IK: variants seen among roughly 807,000 people sequenced by gnomAD.
IK encodes the protein IK cytokine.
IK carries 47 observed loss-of-function variants against 90.9 expected under a neutral mutation model. That is an observed-to-expected ratio of 0.52 (90% CI 0.41 to 0.66). The LOEUF (loss-of-function observed/expected upper bound fraction) is 0.66, where lower values mean the gene tolerates loss of function less well. IK is among the 30% of genes least tolerant of loss of function. IK has a pLI of 0.00. For missense variants in IK, 385 were observed against 709.3 expected (o/e 0.54, Z 5.19); for synonymous variants, 201 against 227.5 (o/e 0.88, Z 1.05).
At chr5:140,651,972 G>A (rs1757623208) in intron 3 of IK, 116 bp from the exon 4 acceptor site, 1 of 890,024 alleles carries the variant, frequency 1.1e-6, no homozygotes, top group Non-Finnish European at 1.9e-6. Context: ...CTGCTTGATT[G>A]AAAGTGTTAC....
At chr5:140,653,607 C>CTT (rs35324921) in intron 5 of IK, among the ~76,000 whole-genome samples, 4 of 128,448 alleles carry the variant, frequency 3.1e-5, no homozygotes, top group South Asian at 2.5e-4. Flanking sequence ...CCCCCACCCC[C>CTT]TTTTTTTTTT....
At chr5:140,658,700 G>A (rs780287497) in intron 10 of IK, 37 bp from the exon 11 acceptor site, 25 of 1,530,974 alleles carry the variant, frequency 1.6e-5, no homozygotes, top group Non-Finnish European at 2.2e-5. Context: ...GAAATTAACT[G>A]AGGAGTATGT....
intron 6 of IK, among the ~76,000 whole-genome samples, 195 bp from the exon 7 acceptor site, chr5:140,654,321 C>G (rs181829080): frequency 6.6e-6 from 1 of 152,344 alleles, no homozygotes; most frequent in East Asian, 1.9e-4. Context: ...CCTTCTGTTT[C>G]ATTTACCACA....
chr5:140,653,624 G>A (rs1249584429), intron 5 of IK, among the ~76,000 whole-genome samples: 5 of 106,756 alleles, frequency 4.7e-5, no homozygotes, highest in African/African-American at 1.8e-4. Flanking sequence ...TTTTTTTGGA[G>A]ACAGAGTCTT....
In IK at chr5:140,659,078, C is replaced by G. The variant is rs368676150; in HGVS notation, c.1090C>G (p.Arg364Gly). ...RDRERERERD[R>G]ERERERDRER... ...CCGAGAGCGAGAGCGAGAACGAGAT[C>G]GGGAACGAGAGCGAGAGCGGGACCG... Residue 364 changes from arginine (R) to glycine (G), a missense_variant, in exon 12 of 20, where the codon CGG becomes GGG. By Grantham distance (125) the Arg-to-Gly change is moderately radical. Transcript: ENST00000417647. 2 of 1,612,126 alleles carry G rather than the reference C, an allele frequency of 1.2e-6. No homozygotes were observed. Among genetic ancestry groups the G allele is most frequent in the African/African-American group, 2.7e-5 (2 of 74,712 alleles).
Position 140,662,340 on chromosome 5 carries a change from C to T in IK, c.*11C>T, listed in dbSNP as rs777300592. 3 of 1,613,256 alleles carry T rather than the reference C, an allele frequency of 1.9e-6. No homozygotes were observed. Among genetic ancestry groups the T allele is most frequent in the East Asian group, 2.2e-5 (1 of 44,884 alleles). On this transcript the variant is annotated 3_prime_UTR_variant, in exon 20 of 20. Transcript: ENST00000417647. Reference sequence around the variant, plus strand: ...AGACCAAAATACTAATCACTAGTTACAACCAGAGATGCTCCACAAGGATAT... The same window carrying T: ...AGACCAAAATACTAATCACTAGTTATAACCAGAGATGCTCCACAAGGATAT...
Position 140,659,023 on chromosome 5 carries a change from G to T in IK, c.1035G>T (p.Glu345Asp), listed in dbSNP as rs375642434. Residue 345 changes from glutamate to aspartate, a missense_variant, in exon 12 of 20, where the codon GAG (glutamate) becomes GAT (aspartate). Around this residue, in one of 8 missense-constraint regions of IK, gnomAD observed 139 missense variants for 172.0 expected, o/e 0.81. Coordinates refer to ENST00000417647, the MANE Select transcript of IK (RefSeq NM_006083.4). ...AGCGGGAGAGATATCGGGAACGGGA[G>T]CGTGATCGGGAAAGAGACAGAGACC... ...DKERERYRER[E>D]RDRERDRDRD... The T allele has an allele frequency of 1.2e-6, 2 of 1,613,152 alleles. No homozygotes were observed. The highest frequency in any genetic ancestry group is 4.5e-5 in the East Asian group (2 of 44,880).
intron 18 of IK, 41 bp downstream of exon 18, chr5:140,662,048 G>T (rs1303768273): frequency 6.4e-7 from 1 of 1,572,080 alleles, no homozygotes; most frequent in Non-Finnish European, 8.7e-7. Flanking sequence ...TTTCAGCTGG[G>T]AGAAGACATT....
intron 12 of IK, 51 bp downstream of exon 12, chr5:140,659,215 A>G (rs1757761926): frequency 6.2e-7 from 1 of 1,607,572 alleles, no homozygotes; most frequent in Non-Finnish European, 8.5e-7. Context: ...CTCTCTGGAA[A>G]TGTGAGCAAG....
intron 13 of IK, 104 bp downstream of exon 13, chr5:140,659,437 G>A: frequency 7.9e-7 from 1 of 1,261,894 alleles, no homozygotes; most frequent in Non-Finnish European, 1.2e-6. Context: ...CCTGGTTCTG[G>A]GTTCTTGTAA....
chr5:140,662,292 TC>T lies in IK; in HGVS notation c.1647-8del, dbSNP rs1246557958. 9 of 1,613,910 alleles carry T rather than the reference TC, an allele frequency of 5.6e-6. No individual in the cohort carries two copies. Among genetic ancestry groups the T allele is most frequent in the Non-Finnish European group, 7.6e-6 (9 of 1,179,902 alleles). On this transcript the variant is annotated splice_polypyrimidine_tract_variant and intron_variant, in intron 19 of 19. Transcript: ENST00000417647. Reference sequence around the variant, plus strand: ...GATCTTATACTGACCCATTTCTCCTTCCATTGCAGGGTTGAAGTCAAAAGAC... The same window carrying T: ...GATCTTATACTGACCCATTTCTCCTTCATTGCAGGGTTGAAGTCAAAAGAC...
chr5:140,651,957 G>A, intron 3 of IK, 131 bp from the exon 4 acceptor site: 1 of 843,260 alleles, frequency 1.2e-6, no homozygotes. Flanking sequence ...TATTGGTGTG[G>A]ATTTCTGCTT....
chr5:140,651,304 T>C (rs1041943173), intron 2 of IK, among the ~76,000 whole-genome samples: 2 of 150,960 alleles, frequency 1.3e-5, no homozygotes, highest in African/African-American at 4.9e-5. Context: ...CTGGGTGTGT[T>C]GGCGGGCACC....
chr5:140,660,176 G>T lies in IK; in HGVS notation c.1336G>T (p.Ala446Ser), dbSNP rs1184491741. ...GDFFGMSNSY[A>S]ECYPATMDDM... ...TTTCTTTGGCATGTCCAACAGTTAT[G>T]CAGAGTGCTACCCAGCCACGTATGT... Residue 446 changes from alanine (A) to serine (S), a missense_variant, in exon 15 of 20, where the codon GCA becomes TCA. Around this residue, in one of 8 missense-constraint regions of IK, gnomAD observed 23 missense variants for 115.2 expected, o/e 0.20. Transcript: ENST00000417647. 2 of 1,613,200 alleles carry T rather than the reference G, an allele frequency of 1.2e-6. No individual in the cohort carries two copies. The highest frequency in any genetic ancestry group is 1.7e-6 in the Non-Finnish European group (2 of 1,179,460).
In IK at chr5:140,661,714, T is replaced by A; in HGVS notation, c.1502+6T>A. 6.3e-7 allele frequency: 1 copy of A among 1,597,788 alleles called. No individual in the cohort carries two copies. Among genetic ancestry groups the A allele is most frequent in the Non-Finnish European group, 8.5e-7 (1 of 1,169,862 alleles). On this transcript the variant is annotated splice_donor_region_variant and intron_variant, in intron 17 of 19. Coordinates refer to ENST00000417647, the MANE Select transcript of IK (RefSeq NM_006083.4). The surrounding 1 kb of genome is among the most constrained non-coding windows in gnomAD (Gnocchi z 4.2). ...AACAAAGAAGCTTTGCCCAAGTGAG[T>A]CGGTACTGAATATGGGCAGGGTGTG...
intron 4 of IK, among the ~76,000 whole-genome samples, chr5:140,652,351 G>A (rs868341725): frequency 1.3e-5 from 2 of 152,062 alleles, no homozygotes; most frequent in Admixed American, 6.6e-5. Context: ...TAGTTTCTTG[G>A]TGGATAACCT....
At chr5:140,654,990 T>C (rs1757682145) in intron 8 of IK, among the ~76,000 whole-genome samples, 1 of 151,958 alleles carries the variant, frequency 6.6e-6, no homozygotes, top group Admixed American at 6.6e-5. Context: ...TTTTTTTTAT[T>C]TTTTGCAGAG....
At chr5:140,655,703 T>C (rs1757697647) in intron 8 of IK, 126 bp from the exon 9 acceptor site, 2 of 824,152 alleles carry the variant, frequency 2.4e-6, no homozygotes, top group African/African-American at 1.7e-5. Flanking sequence ...TTCATAGGGC[T>C]GTTGCAAAGA....
rs1478018161 is a variant in IK, at chr5:140,658,940, A to G, written c.952A>G (p.Ile318Val). 1 of 1,613,770 alleles carries G rather than the reference A, an allele frequency of 6.2e-7. No homozygotes were observed. Among genetic ancestry groups the G allele is most frequent in the East Asian group, 2.2e-5 (1 of 44,884 alleles). Residue 318 changes from isoleucine to valine, a missense_variant and splice_region_variant, in exon 12 of 20, where the codon ATT becomes GTT. This residue lies in a region of IK where 139 missense variants were observed against 172.0 expected (regional missense o/e 0.81). Transcript: ENST00000417647. ...AGCTAGTGATCTCCATTTTCCCAGT[A>G]TTTTTGAAGACATTGGGGATTACGT... ...EKKPPEADMN[I>V]FEDIGDYVPS...
Sources: gnomAD v4.1 joint callset for allele counts (sites outside exome capture counted in the v4.1 genomes callset) on GRCh38, gnomAD v4.1.1 for gene constraint, gnomAD v4.1.1 regional missense constraint, Gnocchi (gnomAD v3.1) non-coding constraint, MANE v1.5 for transcripts, NCBI Gene and HGNC (gene_info 2026-07-23, HGNC 2026-07-21) for gene names.